Variants in AP2S1 observed in about 807,000 individuals in gnomAD.
The protein encoded by AP2S1 is adaptor related protein complex 2 subunit sigma 1.
AP2S1 carries 6 observed loss-of-function variants against 21.0 expected under a neutral mutation model. That is an observed-to-expected ratio of 0.29 (90% CI 0.16 to 0.56). The LOEUF (loss-of-function observed/expected upper bound fraction) is 0.56. Among genes scored for constraint, AP2S1 ranks in the 20% least tolerant of loss-of-function variants. AP2S1 has a pLI of 0.92. For synonymous variants in AP2S1, 63 were observed against 74.6 expected (o/e 0.84, Z 0.80); for missense variants, 60 against 186.2 (o/e 0.32, Z 3.95).
chr19:46,845,799 T>C, intron 2 of AP2S1, 194 bp downstream of exon 2: 1 of 653,172 alleles, frequency 1.5e-6, no homozygotes, highest in Non-Finnish European at 2.6e-6. Context: ...TACTAATCTG[T>C]ATGTTTATGA....
intron 2 of AP2S1, among the ~76,000 whole-genome samples, chr19:46,843,599 A>C (rs2055566568): frequency 6.6e-6 from 1 of 152,074 alleles, no homozygotes; most frequent in East Asian, 1.9e-4. Flanking sequence ...GGCACATGCC[A>C]ATGGTCCCAG....
At chr19:46,848,722 C>T (rs2055679438) in intron 1 of AP2S1, among the ~76,000 whole-genome samples, 1 of 152,022 alleles carries the variant, frequency 6.6e-6, no homozygotes, top group African/African-American at 2.4e-5. Context: ...TTTTTCTTTT[C>T]TTTTTTGTTT....
In AP2S1 at chr19:46,838,490, G is replaced by T; in HGVS notation, c.386C>A (p.Thr129Lys). The T allele has an allele frequency of 6.2e-7, 1 of 1,614,114 alleles. No individual in the cohort carries two copies. Among genetic ancestry groups the T allele is most frequent in the Non-Finnish European group, 8.5e-7 (1 of 1,180,030 alleles). ...CATCAGCAGCTGTTTCAGCACCTTC[G>T]TCTGGCTGGTCTCTCGGATTTCGCC... ...LAGEIRETSQ[T>K]KVLKQLLMLQ... Residue 129 changes from threonine (T) to lysine (K), a missense_variant, in exon 5 of 5, where the codon ACG becomes AAG. Transcript: ENST00000263270. This position sits in a 1 kb window ranked among gnomAD's most constrained non-coding sequence, Gnocchi z 4.1.
intron 2 of AP2S1, 35 bp downstream of exon 2, chr19:46,845,958 G>A (rs1244088225): frequency 6.2e-7 from 1 of 1,612,450 alleles, no homozygotes; most frequent in Admixed American, 1.7e-5. Flanking sequence ...GCACGAGGAA[G>A]CAGCGGGGTG....
Position 46,850,756 on chromosome 19 carries a change from C to T in AP2S1, c.3+8G>A. ...CCGCCAGTCCCCGGCGTAGCGCTCC[C>T]CCGTTACCATGGCGACCCCCGTCCA... is the stretch of plus-strand genomic sequence containing the variant. On this transcript the variant is annotated splice_region_variant and intron_variant, in intron 1 of 4. Coordinates refer to ENST00000263270, the MANE Select transcript of AP2S1 (RefSeq NM_004069.6). The T allele has an allele frequency of 6.3e-7, 1 of 1,585,484 alleles. No homozygotes were observed. The highest frequency in any genetic ancestry group is 8.6e-7 in the Non-Finnish European group (1 of 1,160,348).
Position 46,838,537 on chromosome 19 carries a change from G to T in AP2S1, c.339C>A (p.Val113=). ...CGCCAGCCAGGAACATCTCGTCCAC[G>T]ACCGTGTAAACCTGTGTGAGGGGAG... ...LVFNFYKVYT[V]VDEMFLAGEI... is the part of the protein sequence containing the mutation. Residue 113 remains valine, a synonymous_variant, in exon 5 of 5, where the codon GTC becomes GTA. Coordinates refer to ENST00000263270, the MANE Select transcript of AP2S1 (RefSeq NM_004069.6). The surrounding 1 kb of genome is among the most constrained non-coding windows in gnomAD (Gnocchi z 4.1). 2 of 1,614,160 alleles carry T rather than the reference G, an allele frequency of 1.2e-6. No homozygotes were observed. Among genetic ancestry groups the T allele is most frequent in the South Asian group, 2.2e-5 (2 of 91,048 alleles).
rs895927892 is a variant in AP2S1, at chr19:46,850,199, T to A, written c.3+565A>T. On this transcript the variant is annotated intron_variant, in intron 1 of 4. Coordinates refer to ENST00000263270, the MANE Select transcript of AP2S1 (RefSeq NM_004069.6). ...TTAAGTTTCATTCCCTACAGTTGCC[T>A]CCTTTTGGTTTCCTGTGCCAGGTCT... The A allele has an allele frequency of 8.1e-6, 10 of 1,232,378 alleles. No individual in the cohort carries two copies. The African/African-American group carries it at 1.6e-4, about 19-fold the overall frequency. 76.3% of individuals were successfully genotyped at this position (1,232,378 alleles called of 1,614,324 possible). A position where few individuals can be genotyped will look rare whatever the true frequency, so the allele number is the denominator to read the frequency against.
At position 46,845,977 on chromosome 19, in the gene AP2S1, A is replaced by G; in HGVS notation, c.153+16T>C. 6.2e-7 allele frequency: 1 copy of G among 1,613,992 alleles called. No individual in the cohort carries two copies. On this transcript the variant is annotated intron_variant, in intron 2 of 4. Coordinates refer to ENST00000263270, the MANE Select transcript of AP2S1 (RefSeq NM_004069.6). ...GAGGAAGCAGCGGGGTGCAGGAGGC[A>G]TGGAGCGGGCGTCACCTCCACAAAG...
At chr19:46,849,108 C>T (rs1201000758) in intron 1 of AP2S1, among the ~76,000 whole-genome samples, 1 of 149,258 alleles carries the variant, frequency 6.7e-6, no homozygotes, top group Non-Finnish European at 1.5e-5. Context: ...CGGGTTCAAG[C>T]GATTCTCCTG....
chr19:46,842,920 G>A lies in AP2S1; in HGVS notation c.153+3073C>T, dbSNP rs540792151. Among the ~76,000 whole-genome samples the A allele has an allele frequency of 9.2e-5, 14 of 152,144 alleles. No homozygotes were observed. In the South Asian group the frequency reaches 1.2e-3, roughly 14 times the overall value. On this transcript the variant is annotated intron_variant, in intron 2 of 4. Coordinates refer to ENST00000263270, the MANE Select transcript of AP2S1 (RefSeq NM_004069.6). ...CTTCCCCGGTGAGCTCCTTGGCCTC[G>A]GTTTCCCTCTATGTGCAGAAATGCC...
chr19:46,845,224 T>A (rs1190963812), intron 2 of AP2S1, among the ~76,000 whole-genome samples: 1 of 149,962 alleles, frequency 6.7e-6, no homozygotes. Flanking sequence ...CTGGCCAACA[T>A]GGTGAAACCT....
chr19:46,840,720 ATTTTTTTTTT>A (rs781138883), intron 2 of AP2S1, among the ~76,000 whole-genome samples: 2 of 110,724 alleles, frequency 1.8e-5, no homozygotes, highest in Non-Finnish European at 3.5e-5. Context: ...AGTCTTCGGC[ATTTTTTTTTT>A]TTTTTTTTTT....
chr19:46,847,707 C>T (rs181253047), intron 1 of AP2S1, among the ~76,000 whole-genome samples: 24 of 152,238 alleles, frequency 1.6e-4, no homozygotes, highest in Admixed American at 6.5e-5. Flanking sequence ...CTGTGGCTTT[C>T]GTGTCTGGCT....
rs146883824 is a variant in AP2S1, at chr19:46,849,467, T to C, written c.3+1297A>G. Among the ~76,000 whole-genome samples, 822 of 152,166 alleles carry C rather than the reference T, an allele frequency of 5.4e-3. 11 individuals carry two copies. The highest frequency in any genetic ancestry group is 0.019 in the African/African-American group (773 of 41,498). On this transcript the variant is annotated intron_variant, in intron 1 of 4. Coordinates refer to ENST00000263270, the MANE Select transcript of AP2S1 (RefSeq NM_004069.6). ...CAGGGGTCCCAGGCAGGAAGGGACG[T>C]TGGGGGGCCTACACCAGGCAGCCAC...
At chr19:46,839,769 A>G in intron 2 of AP2S1, 191 bp from the exon 3 acceptor site, 1 of 919,376 alleles carries the variant, frequency 1.1e-6, no homozygotes, top group Non-Finnish European at 1.6e-6. Context: ...GGGGGCAGGC[A>G]TCCCCAGAAT....
rs1234937939 is a variant in AP2S1 at position 46,846,154 on chromosome 19, AG to A, written c.4-13del. On this transcript the variant is annotated splice_polypyrimidine_tract_variant and intron_variant, in intron 1 of 4. Coordinates refer to ENST00000263270, the MANE Select transcript of AP2S1 (RefSeq NM_004069.6). ...AGGATAAAGCGGATCTGGGGGCAGC[AG>A]GAGGAGAAGGAGGAAGTGAGAGAGG... 5.6e-6 allele frequency: 9 copies of A among 1,612,622 alleles called. No homozygotes were observed. The highest frequency in any genetic ancestry group is 7.6e-6 in the Non-Finnish European group (9 of 1,179,796).
At chr19:46,839,439 C>CCCCAAA in intron 3 of AP2S1, 26 bp downstream of exon 3, 26 of 1,569,560 alleles carry the variant, frequency 1.7e-5, no homozygotes, top group Non-Finnish European at 2.0e-5. Flanking sequence ...CCCGCCTCCC[C>CCCCAAA]ACCTTACATC....
chr19:46,844,184 T>G (rs929885086), intron 2 of AP2S1, among the ~76,000 whole-genome samples: 1 of 151,838 alleles, frequency 6.6e-6, no homozygotes, highest in Non-Finnish European at 1.5e-5. Context: ...ATTACAGGAG[T>G]GAGCCACCGC....
At chr19:46,849,676 T>C (rs1043034080) in intron 1 of AP2S1, among the ~76,000 whole-genome samples, 1 of 152,076 alleles carries the variant, frequency 6.6e-6, no homozygotes, top group African/African-American at 2.4e-5. Flanking sequence ...GCCTCTGCTG[T>C]CCCCTCTAGA....
Sources: gnomAD v4.1 joint callset for allele counts (sites outside exome capture counted in the v4.1 genomes callset) on GRCh38, gnomAD v4.1.1 for gene constraint, Gnocchi (gnomAD v3.1) non-coding constraint, MANE v1.5 for transcripts, NCBI Gene and HGNC (gene_info 2026-07-23, HGNC 2026-07-21) for gene names.